The following TNFRSF10C variants were observed in gnomAD, a reference collection of about 807,000 sequenced individuals.
TNFRSF10C encodes the protein TNF receptor superfamily member 10c.
Under a neutral mutation model 16.7 loss-of-function variants are expected in TNFRSF10C, and 17 were observed. That is an observed-to-expected ratio of 1.02 (90% confidence interval 0.70 to 1.53). The LOEUF is 1.53. Among genes scored for constraint, TNFRSF10C ranks in the 40% most tolerant of loss-of-function variants. The probability of loss-of-function intolerance (pLI) is 0.00; values close to 1 mark genes in which losing one functional copy is unlikely to be tolerated. For missense variants in TNFRSF10C, 237 were observed against 329.7 expected, an observed-to-expected ratio of 0.72 and a Z score of 2.18; for synonymous variants, 73 against 119.7, an observed-to-expected ratio of 0.61 and a Z score of 2.55.
At chr8:23,110,195 A>G (rs1813854583) in intron 1 of TNFRSF10C, among the ~76,000 whole-genome samples, 1 of 151,678 alleles carries the variant, frequency 6.6e-6, no homozygotes, top group South Asian at 2.1e-4. Context: ...GAGAAAGGAG[A>G]CGCAGACATC....
intron 1 of TNFRSF10C, among the ~76,000 whole-genome samples, chr8:23,109,126 C>T (rs12545386): frequency 0.11 from 17,091 of 151,640 alleles, 1,221 homozygotes; most frequent in East Asian, 0.33. Context: ...TATTAAAAAA[C>T]TGGGGGTTAG....
rs893117760 is a variant in TNFRSF10C, at chr8:23,117,045, G to A, written c.*14G>A. 76 of 1,610,890 alleles carry A rather than the reference G, an allele frequency of 4.7e-5. No individual in the cohort carries two copies. Among genetic ancestry groups the A allele is most frequent in the Non-Finnish European group, 6.4e-5 (75 of 1,178,296 alleles). On this transcript the variant is annotated 3_prime_UTR_variant, in exon 5 of 5. Coordinates refer to ENST00000356864, the MANE Select transcript of TNFRSF10C (RefSeq NM_003841.5). ...GTGTTTGTTTGAAAGACTTCACTGT[G>A]GAAGAAATTCCTTCCTTACCTGAAA...
At chr8:23,115,058 G>A (rs1017271758) in intron 3 of TNFRSF10C, among the ~76,000 whole-genome samples, 3 of 152,142 alleles carry the variant, frequency 2.0e-5, no homozygotes, top group Non-Finnish European at 2.9e-5. Context: ...GTAGTGGCAC[G>A]GGTCTGCTCC....
chr8:23,105,753 G>C (rs995541705), intron 1 of TNFRSF10C, among the ~76,000 whole-genome samples: 2 of 152,240 alleles, frequency 1.3e-5, no homozygotes, highest in African/African-American at 2.4e-5. Context: ...GATGGGGACA[G>C]TGGGGACAGT....
chr8:23,114,575 C>G, intron 2 of TNFRSF10C, 82 bp from the exon 3 acceptor site: 1 of 1,142,642 alleles, frequency 8.8e-7, no homozygotes, highest in Non-Finnish European at 1.3e-6. Context: ...CCAGTGAGGG[C>G]CAAAAAAGAA....
At chr8:23,103,542 A>C in intron 1 of TNFRSF10C, 1 of 336,424 alleles carries the variant, frequency 3.0e-6, no homozygotes, top group Admixed American at 4.3e-5. Flanking sequence ...AATTAACCCC[A>C]TGTTTACATT....
At chr8:23,106,724 C>G (rs951775639) in intron 1 of TNFRSF10C, among the ~76,000 whole-genome samples, 1 of 152,144 alleles carries the variant, frequency 6.6e-6, no homozygotes, top group Non-Finnish European at 1.5e-5. Context: ...CGGTGGCTCA[C>G]GCCTGTAATC....
chr8:23,116,571 G>A (rs1563345921), intron 4 of TNFRSF10C, 70 bp from the exon 5 acceptor site: 1 of 1,550,222 alleles, frequency 6.5e-7, no homozygotes, highest in African/African-American at 1.4e-5. Context: ...GAGGGAGGGT[G>A]GCTCCCCTTT....
chr8:23,107,810 G>T (rs945958582), intron 1 of TNFRSF10C, among the ~76,000 whole-genome samples: 3 of 152,194 alleles, frequency 2.0e-5, no homozygotes, highest in Admixed American at 6.5e-5. Flanking sequence ...GTTTGGAAGG[G>T]CTGAGAAAGC....
chr8:23,117,010 G>C lies in TNFRSF10C; in HGVS notation c.759G>C (p.Val253=), dbSNP rs548319498. ...CTIVGIIVLI[V]LLIVFV The stretch of plus-strand genomic sequence containing the variant: ...TCGTAGGGATCATAGTTCTAATTGT[G>C]CTTCTGATTGTGTTTGTTTGAAAGA... Residue 253 remains valine, a synonymous_variant, in exon 5 of 5, where the codon GTG becomes GTC. Transcript: ENST00000356864. 6.2e-7 allele frequency: 1 copy of C among 1,613,690 alleles called. No individual in the cohort carries two copies. Among genetic ancestry groups the C allele is most frequent in the Non-Finnish European group, 8.5e-7 (1 of 1,179,832 alleles).
At chr8:23,115,661 G>A (rs1386110993) in intron 4 of TNFRSF10C, 45 bp downstream of exon 4, 2 of 1,507,826 alleles carry the variant, frequency 1.3e-6, no homozygotes, top group Admixed American at 3.4e-5. Flanking sequence ...AGGAACCCGA[G>A]AAGACCTGAG....
At chr8:23,116,112 T>G (rs1813978666) in intron 4 of TNFRSF10C, among the ~76,000 whole-genome samples, 1 of 152,216 alleles carries the variant, frequency 6.6e-6, no homozygotes, top group Non-Finnish European at 1.5e-5. Flanking sequence ...CAAGTTCCCA[T>G]GAAGGCCTGA....
intron 1 of TNFRSF10C, among the ~76,000 whole-genome samples, chr8:23,109,515 T>C (rs956479409): frequency 6.6e-6 from 1 of 151,818 alleles, no homozygotes; most frequent in African/African-American, 2.4e-5. Flanking sequence ...CGGGCACCTG[T>C]AGTCCCAGTT....
At chr8:23,103,375 G>A in intron 1 of TNFRSF10C, 194 bp downstream of exon 1, 1 of 964,494 alleles carries the variant, frequency 1.0e-6, no homozygotes, top group South Asian at 1.5e-5. Context: ...CGGCCGCGAG[G>A]GAGCAGAGAG....
At chr8:23,106,786 A>C (rs921844336) in intron 1 of TNFRSF10C, among the ~76,000 whole-genome samples, 1 of 151,958 alleles carries the variant, frequency 6.6e-6, no homozygotes, top group Admixed American at 6.6e-5. Flanking sequence ...GGAGATCGAG[A>C]CCATCCTGGC....
intron 1 of TNFRSF10C, among the ~76,000 whole-genome samples, chr8:23,108,403 C>T (rs772216342): frequency 3.9e-5 from 6 of 152,182 alleles, no homozygotes; most frequent in Non-Finnish European, 7.3e-5. Flanking sequence ...TTTTTTCTGG[C>T]ATCGGCTGTA....
In TNFRSF10C at chr8:23,110,069, C is replaced by CAAAAAAAAAAAAAAAAAAAAAAAAAA. The variant is rs56263402; in HGVS notation, c.61-1650_61-1625dup. 1.3e-4 allele frequency among the ~76,000 whole-genome samples: 5 copies of CAAAAAAAAAAAAAAAAAAAAAAAAAA among 39,642 alleles called. 1 individual carries two copies. The highest frequency in any genetic ancestry group is 2.5e-4 in the African/African-American group (2 of 7,870). The allele number at this position is 39,642 out of a possible 152,430, so 26.0% of individuals were successfully genotyped here. A position where few individuals can be genotyped will look rare whatever the true frequency, so the allele number is the denominator to read the frequency against. On this transcript the variant is annotated intron_variant, in intron 1 of 4. Coordinates refer to ENST00000356864, the MANE Select transcript of TNFRSF10C (RefSeq NM_003841.5). ...GGAGGACAGAGGGAGACCCTGTCTC[C>CAAAAAAAAAAAAAAAAAAAAAAAAAA]AAAAAAAAAAAAAAAAAAAAAAAAA...
intron 1 of TNFRSF10C, among the ~76,000 whole-genome samples, chr8:23,105,351 C>A (rs774014878): frequency 1.3e-5 from 2 of 152,192 alleles, no homozygotes; most frequent in African/African-American, 2.4e-5. Flanking sequence ...TGGACTGGAT[C>A]CCCAGGCACC....
chr8:23,107,127 G>A (rs1813793558), intron 1 of TNFRSF10C, among the ~76,000 whole-genome samples: 1 of 152,104 alleles, frequency 6.6e-6, no homozygotes. Flanking sequence ...CAGATCACTT[G>A]AGCCCAGGAG....
Sources: allele counts gnomAD v4.1 joint callset (sites outside exome capture counted in the v4.1 genomes callset), GRCh38; gene constraint gnomAD v4.1.1; transcripts MANE v1.5; gene names NCBI Gene and HGNC (gene_info 2026-07-23, HGNC 2026-07-21).